The following ANKRD44 variants were observed in gnomAD, a reference collection of about 807,000 sequenced individuals.
ANKRD44 encodes ankyrin repeat domain 44.
ANKRD44 carries 35 observed loss-of-function variants against 116.0 expected under a neutral mutation model. That is an observed-to-expected ratio of 0.30 (90% CI 0.23 to 0.40). The LOEUF (loss-of-function observed/expected upper bound fraction) is 0.40, where lower values mean the gene tolerates loss of function less well. Ranked by LOEUF, ANKRD44 falls within the 10% of genes least tolerant of loss-of-function variation. The pLI is 1.00. For missense variants in ANKRD44, 1,014 were observed against 1,242.6 expected (o/e 0.82, Z 2.77); for synonymous variants, 435 against 461.8 (o/e 0.94, Z 0.74).
Position 197,136,621 on chromosome 2 carries a change from G to A in ANKRD44, c.232C>T (p.Leu78=). The A allele has an allele frequency of 2.5e-6, 4 of 1,614,196 alleles. No individual in the cohort carries two copies. Among genetic ancestry groups the A allele is most frequent in the Non-Finnish European group, 3.4e-6 (4 of 1,180,018 alleles). ...CTTCTGGAAGCAACAGCCCGGTGCA[G>A]TGGAGTCAGCCACATGTTGTCCTTG... ...NAKDNMWLTP[L]HRAVASRSEE... is the part of the protein sequence containing the mutation. Residue 78 remains leucine, a synonymous_variant, in exon 4 of 28, where the codon CTG becomes TTG. Transcript: ENST00000282272.
intron 2 of ANKRD44, among the ~76,000 whole-genome samples, chr2:197,158,658 G>C (rs1339948848): frequency 6.6e-6 from 1 of 152,202 alleles, no homozygotes. Flanking sequence ...AATCACAGGA[G>C]AGGAAGCTAG....
chr2:197,015,280 T>C, intron 17 of ANKRD44: 1 of 377,790 alleles, frequency 2.6e-6, no homozygotes, highest in Non-Finnish European at 5.0e-6. Flanking sequence ...GTTGGTGGTA[T>C]TAAAGAAGAT....
chr2:197,128,107 A>G (rs1315590571), intron 4 of ANKRD44, among the ~76,000 whole-genome samples: 2 of 152,306 alleles, frequency 1.3e-5, no homozygotes, highest in East Asian at 3.9e-4. Context: ...TGCTATTGTG[A>G]ATAGTGCTGC....
chr2:197,020,789 T>C (rs1429255732), intron 17 of ANKRD44, among the ~76,000 whole-genome samples: 2 of 149,818 alleles, frequency 1.3e-5, no homozygotes, highest in Non-Finnish European at 2.9e-5. Context: ...TTTTTATAAT[T>C]ATATATGGAG....
At chr2:197,214,007 C>T (rs1282725019) in intron 1 of ANKRD44, among the ~76,000 whole-genome samples, 1 of 152,098 alleles carries the variant, frequency 6.6e-6, no homozygotes, top group Non-Finnish European at 1.5e-5. Flanking sequence ...CACTTTAAGG[C>T]AATCAAGTCA....
chr2:197,223,910 G>A (rs2125738303), intron 1 of ANKRD44, among the ~76,000 whole-genome samples: 2 of 152,292 alleles, frequency 1.3e-5, no homozygotes, highest in Middle Eastern at 3.4e-3. Context: ...CAACTTTTAA[G>A]ATATTTACTG....
intron 3 of ANKRD44, among the ~76,000 whole-genome samples, chr2:197,143,550 A>G (rs1276979770): frequency 6.6e-6 from 1 of 151,890 alleles, no homozygotes; most frequent in Non-Finnish European, 1.5e-5. Flanking sequence ...TTATGGCTGC[A>G]TAGTATTCCA....
intron 18 of ANKRD44, among the ~76,000 whole-genome samples, chr2:197,010,484 C>A (rs2076279768): frequency 1.3e-5 from 2 of 152,182 alleles, no homozygotes; most frequent in Non-Finnish European, 2.9e-5. Flanking sequence ...GCGGGGCAGG[C>A]CTGGACCGGC....
intron 16 of ANKRD44, among the ~76,000 whole-genome samples, chr2:197,053,113 G>A (rs1013664920): frequency 6.6e-6 from 1 of 152,146 alleles, no homozygotes; most frequent in Admixed American, 6.5e-5. Flanking sequence ...GGAGGCTGTG[G>A]TGAGCCGAGA....
intron 16 of ANKRD44, among the ~76,000 whole-genome samples, chr2:197,040,109 T>G (rs2076882276): frequency 6.6e-6 from 1 of 151,822 alleles, no homozygotes; most frequent in Admixed American, 6.6e-5. Context: ...TGTGGTGGTG[T>G]GCACCTATAG....
chr2:197,238,969 C>T lies in ANKRD44; in HGVS notation c.28-51863G>A, dbSNP rs186392300. Among the ~76,000 whole-genome samples the T allele has an allele frequency of 4.1e-3, 619 of 152,188 alleles. 16 individuals are homozygous for T. The highest frequency in any genetic ancestry group is 0.035 in the Admixed American group (542 of 15,294). The stretch of plus-strand genomic sequence containing the variant: ...ATCTGCTCGTCCTGGCCCCCCAACC[C>T]GCCTGCCCTGTACCCCTCGGCTGGG... On this transcript the variant is annotated intron_variant, in intron 1 of 27. Coordinates refer to ENST00000282272, the MANE Select transcript of ANKRD44 (RefSeq NM_001195144.2).
chr2:197,174,198 T>C (rs1461758727), intron 2 of ANKRD44, among the ~76,000 whole-genome samples: 1 of 152,216 alleles, frequency 6.6e-6, no homozygotes, highest in East Asian at 1.9e-4. Context: ...AAAATACACA[T>C]AACATAAAAT....
intron 16 of ANKRD44, among the ~76,000 whole-genome samples, chr2:197,030,368 C>T (rs1574310902): frequency 1.3e-5 from 2 of 152,358 alleles, no homozygotes; most frequent in South Asian, 2.1e-4. Flanking sequence ...GTCATGAAGA[C>T]TGTCTTTTAG....
intron 1 of ANKRD44, among the ~76,000 whole-genome samples, chr2:197,279,522 C>G (rs1344817627): frequency 6.6e-6 from 1 of 152,184 alleles, no homozygotes; most frequent in Non-Finnish European, 1.5e-5. Flanking sequence ...TCCATTCTCT[C>G]CCATCCAATC....
intron 17 of ANKRD44, among the ~76,000 whole-genome samples, chr2:197,016,436 C>CTT (rs3032021): frequency 0.91 from 137,917 of 152,198 alleles, 62,555 homozygotes; most frequent in East Asian, 1. Context: ...AATACAGAAA[C>CTT]TAACAAAATG....
At chr2:196,983,038 T>A (rs1300519024), downstream of ANKRD44, among the ~76,000 whole-genome samples, 6 of 151,590 alleles carry the variant, frequency 4.0e-5, no homozygotes, top group Non-Finnish European at 8.8e-5. Flanking sequence ...TGGGTTGGGG[T>A]AAGGGGAGGG....
rs1260067506 is a variant in ANKRD44 at position 197,121,553 on chromosome 2, G to A, written c.694-9C>T. On this transcript the variant is annotated splice_polypyrimidine_tract_variant and intron_variant, in intron 7 of 27. Transcript: ENST00000282272. ...ACATTGATTTCATCAATCTGCAAAA[G>A]AGTCCAACACAGGGTGATTAAAGTC... 16 of 1,612,408 alleles carry A rather than the reference G, an allele frequency of 9.9e-6. No homozygotes were observed. In the East Asian group the frequency reaches 2.9e-4, roughly 29 times the overall value.
chr2:197,297,054 A>C (rs1239366433), intron 1 of ANKRD44, among the ~76,000 whole-genome samples: 1 of 152,220 alleles, frequency 6.6e-6, no homozygotes, highest in Admixed American at 6.5e-5. Flanking sequence ...GCATTCTTAT[A>C]AGTAATTTTC....
At chr2:197,282,179 G>GA in intron 1 of ANKRD44, among the ~76,000 whole-genome samples, 1 of 152,226 alleles carries the variant, frequency 6.6e-6, no homozygotes, top group East Asian at 1.9e-4. Flanking sequence ...CGTGAACCTG[G>GA]GAGGCAGAGC....
Sources: allele counts gnomAD v4.1 joint callset (sites outside exome capture counted in the v4.1 genomes callset), GRCh38; gene constraint gnomAD v4.1.1; transcripts MANE v1.5; gene names NCBI Gene and HGNC (gene_info 2026-07-23, HGNC 2026-07-21).